MPP2: variants seen among roughly 807,000 people sequenced by gnomAD.
MPP2 encodes the protein MAGUK p55 scaffold protein 2.
MPP2 carries 42 observed loss-of-function variants against 58.5 expected under a neutral mutation model. The ratio of observed to expected loss-of-function variants is 0.72; its 90% CI spans 0.56 to 0.93. MPP2 has a LOEUF of 0.93. MPP2 is among the 40% of genes least tolerant of loss of function. The pLI, the probability that MPP2 is intolerant of heterozygous loss-of-function variation, is 0.00. For missense variants in MPP2, 632 were observed against 760.4 expected, an observed-to-expected ratio of 0.83 and a Z score of 1.99; for synonymous variants, 300 against 307.8, an observed-to-expected ratio of 0.97 and a Z score of 0.26.
intron 3 of MPP2, among the ~76,000 whole-genome samples, chr17:43,889,563 G>A (rs569593609): frequency 6.6e-6 from 1 of 151,666 alleles, no homozygotes; most frequent in African/African-American, 2.4e-5. Context: ...GTTTCTCCAT[G>A]TTGGTGAGGC....
At chr17:43,885,254 A>G (rs1309742422) in intron 3 of MPP2, among the ~76,000 whole-genome samples, 2 of 151,666 alleles carry the variant, frequency 1.3e-5, no homozygotes, top group African/African-American at 4.9e-5. Flanking sequence ...TACGATCACT[A>G]TCTTCGTTGA....
chr17:43,880,934 G>A lies in MPP2; in HGVS notation c.989-82C>T, dbSNP rs958392477. 2 of 1,550,922 alleles carry A rather than the reference G, an allele frequency of 1.3e-6. No homozygotes were observed. Among genetic ancestry groups the A allele is most frequent in the African/African-American group, 1.4e-5 (1 of 73,556 alleles). ...CTCTCAGGGAGGCTGAGGGCAAGAG[G>A]GCTTGGAACAGGGGAGCAGGGGGGA... On this transcript the variant is annotated intron_variant, in intron 9 of 12. Transcript: ENST00000269095. This position sits in a 1 kb window ranked among gnomAD's most constrained non-coding sequence, Gnocchi z 5.2.
At chr17:43,899,320 G>A (rs1248299513) in intron 2 of MPP2, among the ~76,000 whole-genome samples, 1 of 152,176 alleles carries the variant, frequency 6.6e-6, no homozygotes, top group Non-Finnish European at 1.5e-5. Context: ...GAAGCCCAGG[G>A]CTCAGCCACC....
rs1196317162 is a variant in MPP2, at chr17:43,875,573, G to T, written c.*2234C>A. On this transcript the variant is annotated 3_prime_UTR_variant, in exon 13 of 13. Transcript: ENST00000269095. The stretch of plus-strand genomic sequence containing the variant: ...GAACAGAGTCATAGAGCTGTGGTGG[G>T]GGCACACACCTGTTCCAACCCAGCC... The T allele has an allele frequency of 6.6e-6, 1 of 152,298 alleles. No homozygotes were observed. Among genetic ancestry groups the T allele is most frequent in the East Asian group, 1.9e-4 (1 of 5,188 alleles). The allele number at this position is 152,298 out of a possible 1,614,324, so 9.4% of individuals were successfully genotyped here. A position where few individuals can be genotyped will look rare whatever the true frequency, so the allele number is the denominator to read the frequency against.
intron 3 of MPP2, chr17:43,884,206 C>A: frequency 1.5e-6 from 1 of 684,156 alleles, no homozygotes; most frequent in South Asian, 1.6e-5. Context: ...AGACAGTCCA[C>A]ATTCAAATGT....
At chr17:43,887,323 G>A (rs907558035) in intron 3 of MPP2, among the ~76,000 whole-genome samples, 2 of 152,212 alleles carry the variant, frequency 1.3e-5, no homozygotes, top group Non-Finnish European at 1.5e-5. Flanking sequence ...GATTGAGGCT[G>A]CAGTGAGCAC....
intron 3 of MPP2, among the ~76,000 whole-genome samples, chr17:43,893,851 G>A (rs1182940130): frequency 6.6e-6 from 1 of 152,144 alleles, no homozygotes; most frequent in African/African-American, 2.4e-5. Context: ...ACACCACACC[G>A]CAGTTCAAAT....
rs1251812087 is a variant in MPP2, at chr17:43,875,507, G to A, written c.*2300C>T. 6.6e-6 allele frequency: 1 copy of A among 152,300 alleles called. No individual in the cohort carries two copies. The highest frequency in any genetic ancestry group is 1.9e-4 in the East Asian group (1 of 5,194). 9.4% of individuals were successfully genotyped at this position (152,300 alleles called of 1,614,324 possible). On this transcript the variant is annotated 3_prime_UTR_variant, in exon 13 of 13. Coordinates refer to ENST00000269095, the MANE Select transcript of MPP2 (RefSeq NM_005374.5). ...TGGATGGTAGGGTCCTCACTCTCTT[G>A]AGGTCCCTCAAATACAAGAGTCCAC...
At chr17:43,909,707 C>G (rs1309642074), upstream of MPP2, 28 of 831,312 alleles carry the variant, frequency 3.4e-5, no homozygotes, top group Non-Finnish European at 3.9e-5. Context: ...AAAGGCCTTG[C>G]AGAATGCCAG....
In MPP2 at chr17:43,880,898, G is replaced by T; in HGVS notation, c.989-46C>A. ...CTGCTCACCAGGCTGCACGGTGAGG[G>T]AGGGGCGGAGCTCTCAGGGAGGCTG... On this transcript the variant is annotated intron_variant, in intron 9 of 12. Transcript: ENST00000269095. The surrounding 1 kb of genome is among the most constrained non-coding windows in gnomAD (Gnocchi z 5.2). 6.4e-7 allele frequency: 1 copy of T among 1,569,620 alleles called. No homozygotes were observed. The highest frequency in any genetic ancestry group is 8.7e-7 in the Non-Finnish European group (1 of 1,155,494).
chr17:43,884,431 G>A (rs1384314862), intron 3 of MPP2, among the ~76,000 whole-genome samples: 1 of 152,056 alleles, frequency 6.6e-6, no homozygotes, highest in Non-Finnish European at 1.5e-5. Context: ...CGTTGCCTAG[G>A]CTAGTCTCAA....
At chr17:43,909,566 T>A (rs1416915909), upstream of MPP2, 1 of 1,473,400 alleles carries the variant, frequency 6.8e-7, no homozygotes. Context: ...ACATCAAATC[T>A]TCCATTCCAT....
In MPP2 at chr17:43,879,808, C is replaced by A. The variant is rs756004719; in HGVS notation, c.1327G>T (p.Val443Leu). The A allele has an allele frequency of 1.9e-6, 3 of 1,613,772 alleles. No individual in the cohort carries two copies. Among genetic ancestry groups the A allele is most frequent in the Middle Eastern group, 1.7e-4 (1 of 6,044 alleles). Reference sequence around the variant, plus strand: ...TGGGGGTTGACATCCAGCACGCACACCTTCCCAGCAGCGACCACGCCCCGG... The same window carrying A: ...TGGGGGTTGACATCCAGCACGCACAACTTCCCAGCAGCGACCACGCCCCGG... ...SIRGVVAAGK[V>L]CVLDVNPQAV... Residue 443 changes from valine (V) to leucine (L), a missense_variant, in exon 11 of 13, where the codon GTG becomes TTG. Transcript: ENST00000269095. The surrounding 1 kb of genome is among the most constrained non-coding windows in gnomAD (Gnocchi z 4.1).
rs2048098227 is a variant in MPP2, at chr17:43,901,573, CCT to C, written c.31+2855_31+2856del. 3.0e-6 allele frequency: 3 copies of C among 985,306 alleles called. No individual in the cohort carries two copies. The African/African-American group carries it at 5.2e-5, about 17-fold the overall frequency. The allele number at this position is 985,306 out of a possible 1,614,324, so 61.0% of individuals were successfully genotyped here. A position where few individuals can be genotyped will look rare whatever the true frequency, so the allele number is the denominator to read the frequency against. ...GAGTGGCACCAGGTCGCATTGCACC[CCT>C]GGTTGCCATGACAGTAGAATTACAC... On this transcript the variant is annotated intron_variant, in intron 2 of 12. Transcript: ENST00000269095.
chr17:43,879,430 A>G lies in MPP2; in HGVS notation c.1354-27T>C. 1 of 1,613,028 alleles carries G rather than the reference A, an allele frequency of 6.2e-7. No homozygotes were observed. Among genetic ancestry groups the G allele is most frequent in the South Asian group, 1.1e-5 (1 of 90,970 alleles). The stretch of plus-strand genomic sequence containing the variant: ...TGCAGAAGGAGAAGGCAAGGTAGGG[A>G]GTATATCCCCATGTCTGTCCTAGGA... On this transcript the variant is annotated intron_variant, in intron 11 of 12. Coordinates refer to ENST00000269095, the MANE Select transcript of MPP2 (RefSeq NM_005374.5). The surrounding 1 kb of genome is among the most constrained non-coding windows in gnomAD (Gnocchi z 4.1).
chr17:43,899,878 T>C (rs1016329057), intron 2 of MPP2, among the ~76,000 whole-genome samples: 2 of 152,016 alleles, frequency 1.3e-5, no homozygotes, highest in Non-Finnish European at 2.9e-5. Context: ...AGAAGCAGAA[T>C]GTGCCCAGCT....
Position 43,884,283 on chromosome 17 carries a change from A to AT in MPP2, c.151-929dup, listed in dbSNP as rs1325122582. Reference sequence around the variant, plus strand: ...CTGATTCAGGATCTAATTGATGATCATATGTTGTAGTTGGTTGACATATCT... The same window carrying AT: ...CTGATTCAGGATCTAATTGATGATCATTATGTTGTAGTTGGTTGACATATCT... On this transcript the variant is annotated intron_variant, in intron 3 of 12. Coordinates refer to ENST00000269095, the MANE Select transcript of MPP2 (RefSeq NM_005374.5). The AT allele has an allele frequency of 1.2e-5, 7 of 590,832 alleles. No homozygotes were observed. The Admixed American group carries it at 1.7e-4, about 15-fold the overall frequency. 36.6% of individuals were successfully genotyped at this position (590,832 alleles called of 1,614,324 possible). A position where few individuals can be genotyped will look rare whatever the true frequency, so the allele number is the denominator to read the frequency against.
rs748047862 is a variant in MPP2, at chr17:43,879,675, G to C, written c.1353+107C>G. ...TTTCTAGCAGTAGTTGAGGGCAAAGGGGGTACATGGGCGTGTTCAGGTGAC... is the reference window on the plus strand; with the variant it reads ...TTTCTAGCAGTAGTTGAGGGCAAAGCGGGTACATGGGCGTGTTCAGGTGAC... On this transcript the variant is annotated intron_variant, in intron 11 of 12. Transcript: ENST00000269095. The surrounding 1 kb of genome is among the most constrained non-coding windows in gnomAD (Gnocchi z 4.1). 6 of 1,301,026 alleles carry C rather than the reference G, an allele frequency of 4.6e-6. No individual in the cohort carries two copies. Among genetic ancestry groups the C allele is most frequent in the Admixed American group, 2.0e-5 (1 of 50,546 alleles). The allele number at this position is 1,301,026 out of a possible 1,614,324, so 80.6% of individuals were successfully genotyped here. A position where few individuals can be genotyped will look rare whatever the true frequency, so the allele number is the denominator to read the frequency against.
rs921573122 is a variant in MPP2 at position 43,879,599 on chromosome 17, G to A, written c.1353+183C>T. Among the ~76,000 whole-genome samples, 8 of 152,178 alleles carry A rather than the reference G, an allele frequency of 5.3e-5. No homozygotes were observed. Among genetic ancestry groups the A allele is most frequent in the Non-Finnish European group, 8.8e-5 (6 of 68,036 alleles). On this transcript the variant is annotated intron_variant, in intron 11 of 12. Transcript: ENST00000269095. The surrounding 1 kb of genome is among the most constrained non-coding windows in gnomAD (Gnocchi z 4.1). The stretch of plus-strand genomic sequence containing the variant: ...TGGCTGGGGTGACTGGAGGAGACTA[G>A]AGGAGGAGTGGGGACTCTGGAAGGC...
Sources: gnomAD v4.1 joint callset for allele counts (sites outside exome capture counted in the v4.1 genomes callset) on GRCh38, gnomAD v4.1.1 for gene constraint, Gnocchi (gnomAD v3.1) non-coding constraint, MANE v1.5 for transcripts, NCBI Gene and HGNC (gene_info 2026-07-23, HGNC 2026-07-21) for gene names.